PLCE1: variants seen among roughly 807,000 people sequenced by gnomAD.
PLCE1 encodes the protein 1-phosphatidylinositol 4,5-bisphosphate phosphodiesterase epsilon-1.
In PLCE1, 119 loss-of-function variants were observed where a neutral mutation model predicts 242.8. The ratio of observed to expected loss-of-function variants is 0.49; its 90% CI spans 0.42 to 0.57. The LOEUF (loss-of-function observed/expected upper bound fraction) is 0.57. PLCE1 is among the 20% of genes least tolerant of loss of function. The pLI is 0.00. For missense variants in PLCE1, 2,441 were observed against 2,788.8 expected, an observed-to-expected ratio of 0.88 and a Z score of 2.81; for synonymous variants, 945 against 1,017.4, an observed-to-expected ratio of 0.93 and a Z score of 1.35.
At chr10:93,995,148 A>C (rs2060796766) in intron 1 of PLCE1, among the ~76,000 whole-genome samples, 1 of 152,162 alleles carries the variant, frequency 6.6e-6, no homozygotes, top group Non-Finnish European at 1.5e-5. Flanking sequence ...TGAGAGCCTG[A>C]CTTGGGAGGT....
intron 22 of PLCE1, among the ~76,000 whole-genome samples, chr10:94,292,890 T>G (rs2052689183): frequency 6.6e-6 from 1 of 152,184 alleles, no homozygotes; most frequent in Non-Finnish European, 1.5e-5. Context: ...AAATATGTAT[T>G]CAGTTCCTGC....
intron 3 of PLCE1, among the ~76,000 whole-genome samples, chr10:94,153,122 T>G (rs2047323797): frequency 6.6e-6 from 1 of 152,200 alleles, no homozygotes; most frequent in Non-Finnish European, 1.5e-5. Context: ...GTTTACCATC[T>G]GTTCTTGTCC....
chr10:94,168,360 C>T (rs533364299), intron 3 of PLCE1, among the ~76,000 whole-genome samples: 2 of 152,182 alleles, frequency 1.3e-5, no homozygotes, highest in Non-Finnish European at 2.9e-5. Flanking sequence ...CCCAAGAAGA[C>T]TTCTGGGATG....
chr10:94,023,651 G>A (rs2061411473), intron 1 of PLCE1, among the ~76,000 whole-genome samples: 1 of 152,112 alleles, frequency 6.6e-6, no homozygotes, highest in South Asian at 2.1e-4. Flanking sequence ...TTGCAATTGG[G>A]AATTAACCTG....
At chr10:94,072,435 C>T (rs946530382) in intron 2 of PLCE1, among the ~76,000 whole-genome samples, 2 of 152,056 alleles carry the variant, frequency 1.3e-5, no homozygotes, top group African/African-American at 4.8e-5. Flanking sequence ...CGCCACCATG[C>T]CTGGCTAAGT....
At chr10:94,092,094 G>A (rs2045098001) in intron 2 of PLCE1, among the ~76,000 whole-genome samples, 1 of 152,174 alleles carries the variant, frequency 6.6e-6, no homozygotes, top group Non-Finnish European at 1.5e-5. Context: ...GGAAAACCAA[G>A]ATAATGTATA....
rs577869012 is a variant in PLCE1 at position 94,031,960 on chromosome 10, A to G, written c.914A>G (p.Asp305Gly). 6 of 1,613,734 alleles carry G rather than the reference A, an allele frequency of 3.7e-6. No homozygotes were observed. The African/African-American group carries it at 6.7e-5, about 18-fold the overall frequency. ...TFLSHFEDFP[D>G]NCDDVEEDAF... ...TTGAGCCATTTTGAGGACTTCCCTGATAATTGTGATGATGTAGAAGAAGAC... is the reference window on the plus strand; with the variant it reads ...TTGAGCCATTTTGAGGACTTCCCTGGTAATTGTGATGATGTAGAAGAAGAC... Residue 305 changes from aspartate (D) to glycine (G), a missense_variant, in exon 2 of 33, where the codon GAT becomes GGT. Asp to Gly is a moderately conservative substitution (Grantham distance 94). This residue lies in a region of PLCE1 where 393 missense variants were observed against 378.5 expected (regional missense o/e 1.04). Transcript: ENST00000371380.
intron 4 of PLCE1, among the ~76,000 whole-genome samples, chr10:94,182,437 T>A (rs2048344337): frequency 6.6e-6 from 1 of 151,642 alleles, no homozygotes. Context: ...GGATAATTTT[T>A]TTTTTTTTTT....
chr10:94,220,853 G>A (rs2049716938), intron 4 of PLCE1, among the ~76,000 whole-genome samples: 1 of 152,162 alleles, frequency 6.6e-6, no homozygotes, highest in Non-Finnish European at 1.5e-5. Flanking sequence ...TGCCTCAGGG[G>A]CACGCACAGG....
chr10:94,147,790 C>T (rs748530042), intron 3 of PLCE1, among the ~76,000 whole-genome samples: 3 of 152,180 alleles, frequency 2.0e-5, no homozygotes, highest in Non-Finnish European at 4.4e-5. Flanking sequence ...TCTTACCCTG[C>T]CTCTAGTCTA....
At chr10:94,254,091 T>C (rs995342817) in intron 9 of PLCE1, 99 bp from the exon 10 acceptor site, 4 of 847,718 alleles carry the variant, frequency 4.7e-6, no homozygotes, top group African/African-American at 3.3e-5. Flanking sequence ...AGAGGCAGTA[T>C]TGAAGGTGGG....
At position 94,324,360 on chromosome 10, in the gene PLCE1, A is replaced by T. The variant is rs1268350123; in HGVS notation, c.6513A>T (p.Lys2171Asn). 6.2e-7 allele frequency: 1 copy of T among 1,614,050 alleles called. No homozygotes were observed. Among genetic ancestry groups the T allele is most frequent in the Admixed American group, 1.7e-5 (1 of 60,012 alleles). The change falls in exon 31 of 33, where the codon AAA becomes AAT. Residue 2171 changes from lysine (K) to asparagine (N), a missense_variant. By Grantham distance (94) the Lys-to-Asn change is moderately conservative. This residue lies in a region of PLCE1 where 310 missense variants were observed against 317.2 expected (regional missense o/e 0.98). Transcript: ENST00000371380. ...AACTTACCTTTCAGACCTTATGCAA[A>T]GCCAAATATTCCTACAGCATCCTGA... ...AQDVIQQTLCKAKYSYSILSN... is the reference protein window; with the variant it reads ...AQDVIQQTLCNAKYSYSILSN...
intron 8 of PLCE1, among the ~76,000 whole-genome samples, chr10:94,251,032 C>A (rs7919066): frequency 0.27 from 41,682 of 152,062 alleles, 5,771 homozygotes; most frequent in Middle Eastern, 0.35. Flanking sequence ...CAGGAAGGGG[C>A]TTCTGATTGG....
chr10:94,286,280 T>A (rs2052443613), intron 22 of PLCE1, among the ~76,000 whole-genome samples: 1 of 152,126 alleles, frequency 6.6e-6, no homozygotes, highest in African/African-American at 2.4e-5. Context: ...AGAGCATATC[T>A]TAAGCACCTG....
chr10:94,052,302 C>T (rs564643499), intron 2 of PLCE1, among the ~76,000 whole-genome samples: 1 of 152,288 alleles, frequency 6.6e-6, no homozygotes, highest in Non-Finnish European at 1.5e-5. Flanking sequence ...AATACCAACT[C>T]ACAAAGAGAT....
In PLCE1 at chr10:94,315,223, T is replaced by C. The variant is rs544221080; in HGVS notation, c.6133-1324T>C. ...TGGGGTGGAGAGATTTCAGTCTTCC[T>C]GAGAACCTTCACTCCCACTGCCCTC... On this transcript the variant is annotated intron_variant, in intron 28 of 32. Transcript: ENST00000371380. 5 of 335,742 alleles carry C rather than the reference T, an allele frequency of 1.5e-5. No individual in the cohort carries two copies. In the Admixed American group the frequency reaches 2.0e-4, roughly 13 times the overall value. The allele number at this position is 335,742 out of a possible 1,614,324, so 20.8% of individuals were successfully genotyped here. A position where few individuals can be genotyped will look rare whatever the true frequency, so the allele number is the denominator to read the frequency against.
At chr10:94,321,109 C>T (rs747428104) in intron 29 of PLCE1, among the ~76,000 whole-genome samples, 1 of 152,192 alleles carries the variant, frequency 6.6e-6, no homozygotes, top group Non-Finnish European at 1.5e-5. Context: ...TTCAATGTGG[C>T]TTACCTCCAG....
At chr10:94,245,810 A>T in intron 7 of PLCE1, 136 bp from the exon 8 acceptor site, 1 of 760,004 alleles carries the variant, frequency 1.3e-6, no homozygotes, top group Non-Finnish European at 2.3e-6. Flanking sequence ...ACTGTGTGCT[A>T]TTTAGTATTT....
intron 11 of PLCE1, among the ~76,000 whole-genome samples, chr10:94,257,268 A>G (rs1316659244): frequency 6.6e-6 from 1 of 151,360 alleles, no homozygotes; most frequent in Non-Finnish European, 1.5e-5. Context: ...TTTAGATTAT[A>G]TATTTAATAT....
Sources: allele counts gnomAD v4.1 joint callset (sites outside exome capture counted in the v4.1 genomes callset), GRCh38; gene constraint gnomAD v4.1.1; regional missense constraint gnomAD v4.1.1; transcripts MANE v1.5; gene names NCBI Gene and HGNC (gene_info 2026-07-23, HGNC 2026-07-21).